RBFOX3: variants seen among roughly 807,000 people sequenced by gnomAD.
RBFOX3 encodes the protein RNA binding protein fox-1 homolog 3.
A neutral mutation model predicts 48.7 loss-of-function variants in RBFOX3; 17 were observed. The ratio of observed to expected loss-of-function variants is 0.35; its 90% confidence interval spans 0.24 to 0.52. The LOEUF is 0.52. RBFOX3 is among the 20% of genes least tolerant of loss of function. The probability of loss-of-function intolerance (pLI) is 0.94; values close to 1 mark genes in which losing one functional copy is unlikely to be tolerated. For missense variants in RBFOX3, 382 were observed against 497.5 expected (o/e 0.77, Z 2.21); for synonymous variants, 212 against 209.5 (o/e 1.01, Z -0.10).
rs148023375 is a variant in RBFOX3, at chr17:79,454,562, G to T, written c.-175+27892C>A. Among the ~76,000 whole-genome samples the T allele has an allele frequency of 2.8e-3, 430 of 152,272 alleles. 1 individual carries two copies. The highest frequency in any genetic ancestry group is 0.01 in the African/African-American group (422 of 41,540). ...CTCCTGGCCTGTCCACAGCAAAGGG[G>T]TCCACTCACTCTTGGACCCAGTCAA... On this transcript the variant is annotated intron_variant, in intron 2 of 14. Coordinates refer to ENST00000693108, the MANE Select transcript of RBFOX3 (RefSeq NM_001350451.2).
At chr17:79,620,662 C>T in the RBFOX3 span, among the ~76,000 whole-genome samples, 3 of 124,134 alleles carry the variant, frequency 2.4e-5, no homozygotes, top group Admixed American at 7.3e-5. Context: ...CATGCACACA[C>T]GCACATGCAC....
chr17:79,421,263 G>A lies in RBFOX3; in HGVS notation c.-175+61191C>T, dbSNP rs142792418. Among the ~76,000 whole-genome samples the A allele has an allele frequency of 1.1e-4, 17 of 152,304 alleles. No individual in the cohort carries two copies. Among genetic ancestry groups the A allele is most frequent in the African/African-American group, 3.8e-4 (16 of 41,570 alleles). ...CTTTTAGCTGTAATGAACCCTGAGC[G>A]TGAGAACCATGACTGCTGGGCTCCG... On this transcript the variant is annotated intron_variant, in intron 2 of 14. Transcript: ENST00000693108. This position sits in a 1 kb window ranked among gnomAD's most constrained non-coding sequence, Gnocchi z 4.5.
At position 79,361,643 on chromosome 17, in the gene RBFOX3, C is replaced by T. The variant is rs1439336818; in HGVS notation, c.-174-53819G>A. Reference sequence around the variant, plus strand: ...TCTCTCCTCCTCCTCCCAGCATCCCCTCTCTTTCACTCTGCCCTCAAACAG... The same window carrying T: ...TCTCTCCTCCTCCTCCCAGCATCCCTTCTCTTTCACTCTGCCCTCAAACAG... On this transcript the variant is annotated intron_variant, in intron 2 of 14. Coordinates refer to ENST00000693108, the MANE Select transcript of RBFOX3 (RefSeq NM_001350451.2). This position sits in a 1 kb window ranked among gnomAD's most constrained non-coding sequence, Gnocchi z 4.5. Among the ~76,000 whole-genome samples, 2 of 152,250 alleles carry T rather than the reference C, an allele frequency of 1.3e-5. No homozygotes were observed. The highest frequency in any genetic ancestry group is 4.8e-5 in the African/African-American group (2 of 41,476).
the RBFOX3 span, among the ~76,000 whole-genome samples, chr17:79,636,126 A>G: frequency 6.6e-6 from 1 of 152,286 alleles, no homozygotes; most frequent in African/African-American, 2.4e-5. Flanking sequence ...ATGCAACAGA[A>G]GCAGGAAATA....
rs370546121 is a variant in RBFOX3 at position 79,177,101 on chromosome 17, T to A, written c.-34+58665A>T. On this transcript the variant is annotated intron_variant, in intron 4 of 14. Coordinates refer to ENST00000693108, the MANE Select transcript of RBFOX3 (RefSeq NM_001350451.2). ...CTCTGGACGCCTGCCCATGGGACTGTCTGTCCTGGCCCAGGTGCCACATGG... is the reference window on the plus strand; with the variant it reads ...CTCTGGACGCCTGCCCATGGGACTGACTGTCCTGGCCCAGGTGCCACATGG... 2.6e-5 allele frequency among the ~76,000 whole-genome samples: 4 copies of A among 152,264 alleles called. No individual in the cohort carries two copies. In the South Asian group the frequency reaches 8.3e-4, roughly 32 times the overall value.
At chr17:79,167,072 CGA>C (rs1568267113) in intron 4 of RBFOX3, among the ~76,000 whole-genome samples, 1 of 152,206 alleles carries the variant, frequency 6.6e-6, no homozygotes, top group East Asian at 1.9e-4. Flanking sequence ...GTCACCCCCA[CGA>C]CAGACGCGCT....
At chr17:79,487,334 T>C (rs2079772529) in intron 1 of RBFOX3, among the ~76,000 whole-genome samples, 3 of 152,188 alleles carry the variant, frequency 2.0e-5, no homozygotes, top group Admixed American at 1.3e-4. Context: ...CCGACGACCT[T>C]GGACTCACGA....
chr17:79,308,436 G>A (rs1008647790), intron 2 of RBFOX3, among the ~76,000 whole-genome samples: 10 of 152,196 alleles, frequency 6.6e-5, no homozygotes, highest in Non-Finnish European at 1.5e-5. Context: ...AGGCTTCTCT[G>A]GGGTTGACAG....
At chr17:79,659,578 C>T in the RBFOX3 span, among the ~76,000 whole-genome samples, 1 of 152,104 alleles carries the variant, frequency 6.6e-6, no homozygotes, top group East Asian at 1.9e-4. Context: ...CCCTGACATA[C>T]ATCAGAGCCA....
chr17:79,309,697 G>C lies in RBFOX3; in HGVS notation c.-174-1873C>G, dbSNP rs115701281. ...TCCCCATGTGTTGAGGGAGGGACCT[G>C]GTGGGAGGTAACTGGATCATGGCGG... On this transcript the variant is annotated intron_variant, in intron 2 of 14. Transcript: ENST00000693108. 5.5e-3 allele frequency among the ~76,000 whole-genome samples: 842 copies of C among 152,272 alleles called. 8 individuals carry two copies. Among genetic ancestry groups the C allele is most frequent in the African/African-American group, 0.019 (785 of 41,536 alleles).
intron 3 of RBFOX3, among the ~76,000 whole-genome samples, chr17:79,238,908 C>T (rs956692015): frequency 1.4e-4 from 22 of 152,158 alleles, no homozygotes; most frequent in African/African-American, 5.3e-4. Context: ...CCTGATGCCT[C>T]AACCACAGGG....
chr17:79,506,204 A>G (rs536659177), intron 1 of RBFOX3, among the ~76,000 whole-genome samples: 47 of 152,288 alleles, frequency 3.1e-4, no homozygotes, highest in African/African-American at 1.1e-3. Flanking sequence ...CCACTTCTAG[A>G]CTTTCCTCCA....
chr17:79,437,288 G>A (rs537903263), intron 2 of RBFOX3, among the ~76,000 whole-genome samples: 212 of 152,322 alleles, frequency 1.4e-3, no homozygotes, highest in African/African-American at 5.0e-3. Context: ...AGCTGCCCAT[G>A]CAAATATTGT....
chr17:79,106,788 G>A lies in RBFOX3; in HGVS notation c.223C>T (p.Gln75Ter). The change falls in exon 6 of 15, where the codon CAG becomes TAG. Residue 75 changes from glutamine to a stop codon, truncating the protein, a stop_gained and splice_region_variant. Coordinates refer to ENST00000693108, the MANE Select transcript of RBFOX3 (RefSeq NM_001350451.2). LOFTEE classifies it high-confidence loss of function. ...QPIAGTQTVP[Q>*]TDEAAQTDSQ... ...TCCGTCTGTGCCGCCTCGTCTGTCT[G>A]CTGCAGGGAGAGGACTGGGCTGTGG... 1.3e-6 allele frequency: 2 copies of A among 1,516,150 alleles called. No individual in the cohort carries two copies. Among genetic ancestry groups the A allele is most frequent in the Non-Finnish European group, 8.8e-7 (1 of 1,133,964 alleles). 93.9% of individuals were successfully genotyped at this position (1,516,150 alleles called of 1,614,324 possible).
chr17:79,397,390 G>A (rs1175457880), intron 2 of RBFOX3, among the ~76,000 whole-genome samples: 2 of 152,004 alleles, frequency 1.3e-5, no homozygotes, highest in Admixed American at 6.5e-5. Context: ...CTACTCGGGG[G>A]TCTGAGGCAG....
At chr17:79,441,694 A>C (rs1277574601) in intron 2 of RBFOX3, among the ~76,000 whole-genome samples, 2 of 152,180 alleles carry the variant, frequency 1.3e-5, no homozygotes, top group Non-Finnish European at 2.9e-5. Context: ...TGCGGTCATC[A>C]GTTACAGCAA....
intron 4 of RBFOX3, among the ~76,000 whole-genome samples, chr17:79,201,534 A>G (rs888823563): frequency 1.3e-5 from 2 of 152,020 alleles, no homozygotes; most frequent in African/African-American, 4.8e-5. Context: ...TTCTTCCAGC[A>G]TTTTCCTCCT....
chr17:79,121,679 C>G (rs941782216), intron 4 of RBFOX3, among the ~76,000 whole-genome samples: 1 of 152,184 alleles, frequency 6.6e-6, no homozygotes, highest in Non-Finnish European at 1.5e-5. Flanking sequence ...CTTGGCTGCA[C>G]TGCCCCACTC....
At chr17:79,410,190 C>T (rs1286302427) in intron 2 of RBFOX3, among the ~76,000 whole-genome samples, 3 of 152,218 alleles carry the variant, frequency 2.0e-5, no homozygotes, top group Admixed American at 6.5e-5. Context: ...GTCCTGGCCG[C>T]CTGGCTGCCT....
Sources: allele counts gnomAD v4.1 joint callset (sites outside exome capture counted in the v4.1 genomes callset), GRCh38; gene constraint gnomAD v4.1.1; non-coding constraint Gnocchi (gnomAD v3.1); transcripts MANE v1.5; gene names NCBI Gene and HGNC (gene_info 2026-07-23, HGNC 2026-07-21).